BPTF: variants seen among roughly 807,000 people sequenced by gnomAD.
BPTF encodes the protein nucleosome-remodeling factor subunit BPTF.
A neutral mutation model predicts 292.5 loss-of-function variants in BPTF; 18 were observed. The observed-to-expected ratio is 0.06, with a 90% confidence interval of 0.04 to 0.09. The LOEUF is 0.09. Ranked by LOEUF, BPTF falls within the 10% of genes least tolerant of loss-of-function variation. The probability of loss-of-function intolerance (pLI) is 1.00; values close to 1 mark genes in which losing one functional copy is unlikely to be tolerated. For synonymous variants in BPTF, 1,225 were observed against 1,251.9 expected, an observed-to-expected ratio of 0.98 and a Z score of 0.45; for missense variants, 2,726 against 3,498.7, an observed-to-expected ratio of 0.78 and a Z score of 5.57.
intron 24 of BPTF, 155 bp downstream of exon 24, chr17:67,960,030 C>T: frequency 3.4e-6 from 2 of 594,802 alleles, no homozygotes; most frequent in Non-Finnish European, 5.6e-6. Flanking sequence ...ATATTCTTAC[C>T]ATTGACGCTA....
At chr17:67,957,555 A>G (rs1246625726) in intron 23 of BPTF, among the ~76,000 whole-genome samples, 1 of 152,192 alleles carries the variant, frequency 6.6e-6, no homozygotes, top group Admixed American at 6.5e-5. Context: ...TTTTAAAAAA[A>G]TTTTTAAGTC....
intron 11 of BPTF, among the ~76,000 whole-genome samples, chr17:67,917,726 G>A (rs888900526): frequency 6.6e-6 from 1 of 152,012 alleles, no homozygotes; most frequent in African/African-American, 2.4e-5. Flanking sequence ...TCTGCCTCCT[G>A]GGTTCAATTG....
Position 67,912,339 on chromosome 17 carries a change from G to A in BPTF, c.4455G>A (p.Ser1485=), listed in dbSNP as rs746220306. 13 of 1,613,626 alleles carry A rather than the reference G, an allele frequency of 8.1e-6. No individual in the cohort carries two copies. Among genetic ancestry groups the A allele is most frequent in the South Asian group, 3.3e-5 (3 of 91,054 alleles). ...FNERNSSETK[S]HLLSSSDAEG... ...AAAGAAACAGCTCCGAAACAAAATC[G>A]CATTTGCTGAGTTCTTCAGATGCTG... Residue 1485 remains serine, a synonymous_variant, in exon 11 of 28, where the codon TCG becomes TCA. Coordinates refer to ENST00000306378, the MANE Select transcript of BPTF (RefSeq NM_182641.4).
chr17:67,842,817 C>CA (rs60085248), intron 1 of BPTF, among the ~76,000 whole-genome samples: 2,307 of 47,112 alleles, frequency 0.049, 56 homozygotes, highest in African/African-American at 0.1. Context: ...CAATTAAGGC[C>CA]AAAAAAAAAA....
chr17:67,905,265 G>T (rs562664546), intron 9 of BPTF, among the ~76,000 whole-genome samples: 1 of 151,932 alleles, frequency 6.6e-6, no homozygotes, highest in Non-Finnish European at 1.5e-5. Flanking sequence ...AAAATTTGCT[G>T]GGTGTGCTGG....
intron 18 of BPTF, 36 bp from the exon 19 acceptor site, chr17:67,940,403 T>C: frequency 6.4e-7 from 1 of 1,563,642 alleles, no homozygotes; most frequent in Non-Finnish European, 8.8e-7. Context: ...ATGCCAAGGG[T>C]GTATAAGCAT....
At position 67,911,770 on chromosome 17, in the gene BPTF, G is replaced by C. The variant is rs200480162; in HGVS notation, c.3886G>C (p.Val1296Leu). ...NSTLENSSDT[V>L]SIQDSSEEDM... ...CACTTTGGAAAATAGTTCTGATACC[G>C]TGTCTATTCAGGATAGCAGTGAAGA... Residue 1296 changes from valine to leucine, a missense_variant, in exon 11 of 28, where the codon GTG (valine) becomes CTG (leucine). Transcript: ENST00000306378. The C allele has an allele frequency of 3.7e-6, 6 of 1,614,028 alleles. No homozygotes were observed. Among genetic ancestry groups the C allele is most frequent in the South Asian group, 1.1e-5 (1 of 91,080 alleles).
chr17:67,952,457 T>C (rs1464398662), intron 23 of BPTF, among the ~76,000 whole-genome samples: 1 of 151,996 alleles, frequency 6.6e-6, no homozygotes, highest in African/African-American at 2.4e-5. Flanking sequence ...GAGATGGGGT[T>C]TCACCATGTT....
At chr17:67,946,690 C>T (rs2065836816) in intron 21 of BPTF, among the ~76,000 whole-genome samples, 1 of 152,190 alleles carries the variant, frequency 6.6e-6, no homozygotes, top group East Asian at 1.9e-4. Context: ...GTTGTCATTC[C>T]TTAGTTTGCA....
intron 12 of BPTF, among the ~76,000 whole-genome samples, chr17:67,919,218 T>TAATA (rs367551787): frequency 3.4e-4 from 43 of 126,256 alleles, no homozygotes; most frequent in African/African-American, 1.2e-3. Flanking sequence ...ATAATAATAA[T>TAATA]AAAATATAAT....
intron 18 of BPTF, among the ~76,000 whole-genome samples, chr17:67,937,290 T>C (rs921982360): frequency 6.6e-6 from 1 of 151,452 alleles, no homozygotes; most frequent in Non-Finnish European, 1.5e-5. Flanking sequence ...ACCCCATCTC[T>C]ACTAAAAATA....
At chr17:67,974,873 C>T (rs368611376) in intron 26 of BPTF, 2 of 152,172 alleles carry the variant, frequency 1.3e-5, no homozygotes, top group Admixed American at 1.3e-4. Context: ...AGCTTCATTA[C>T]GTAGGCATGA....
intron 9 of BPTF, among the ~76,000 whole-genome samples, chr17:67,906,930 C>T (rs1203441892): frequency 1.3e-5 from 2 of 152,144 alleles, no homozygotes; most frequent in Non-Finnish European, 2.9e-5. Flanking sequence ...CCATGGCTCA[C>T]ACCTGTGATG....
rs1160240037 is a variant in BPTF, at chr17:67,912,573, T to C, written c.4689T>C (p.Asp1563=). 4 of 1,613,372 alleles carry C rather than the reference T, an allele frequency of 2.5e-6. No individual in the cohort carries two copies. In the African/African-American group the frequency reaches 5.3e-5, roughly 22 times the overall value. Residue 1563 remains aspartate, a synonymous_variant, in exon 11 of 28, where the codon GAT becomes GAC. Transcript: ENST00000306378. ...CTAATCTCAGTAATGACTTTATTGA[T>C]GAAAATGGTCTGCCCATCAACAAAA... ...EESNLSNDFI[D]ENGLPINKNE...
At position 67,913,175 on chromosome 17, in the gene BPTF, G is replaced by A; in HGVS notation, c.5291G>A (p.Gly1764Asp). Reference sequence around the variant, plus strand: ...TATCCTTCTCCTAGACCGACCTTTGGCATCACTTGGAGGTATGTACTTTAA... The same window carrying A: ...TATCCTTCTCCTAGACCGACCTTTGACATCACTTGGAGGTATGTACTTTAA... ...WPYPSPRPTF[G>D]ITWRYRLQTV... Residue 1764 changes from glycine to aspartate, a missense_variant, in exon 11 of 28, where the codon GGC becomes GAC. Around this residue, in one of 22 missense-constraint regions of BPTF, gnomAD observed 36 missense variants for 34.7 expected, o/e 1.04. Coordinates refer to ENST00000306378, the MANE Select transcript of BPTF (RefSeq NM_182641.4). 1 of 1,600,570 alleles carries A rather than the reference G, an allele frequency of 6.2e-7. No homozygotes were observed. Among genetic ancestry groups the A allele is most frequent in the Non-Finnish European group, 8.5e-7 (1 of 1,175,154 alleles).
chr17:67,961,891 T>C (rs1185053412), intron 24 of BPTF, among the ~76,000 whole-genome samples: 7 of 151,774 alleles, frequency 4.6e-5, no homozygotes, highest in Admixed American at 4.6e-4. Flanking sequence ...GGAGAATCGC[T>C]TGAACCCGGG....
chr17:67,941,580 C>T (rs2065368785), intron 19 of BPTF, among the ~76,000 whole-genome samples: 1 of 152,156 alleles, frequency 6.6e-6, no homozygotes, highest in African/African-American at 2.4e-5. Context: ...TATGTGGACA[C>T]TTGTTATATG....
Position 67,854,484 on chromosome 17 carries a change from G to A in BPTF, c.1158G>A (p.Val386=), listed in dbSNP as rs2144999492. 6.2e-7 allele frequency: 1 copy of A among 1,614,198 alleles called. No individual in the cohort carries two copies. The highest frequency in any genetic ancestry group is 2.2e-5 in the East Asian group (1 of 44,890). The stretch of plus-strand genomic sequence containing the variant: ...GAGAGGAATTGATGTCTGAAGGGGT[G>A]ATACAGTATGATGACCATTGTAGGG... ...IAREELMSEG[V]IQYDDHCRVC... The change falls in exon 2 of 28, where the codon GTG becomes GTA. Residue 386 remains valine, a synonymous_variant. Transcript: ENST00000306378. This position sits in a 1 kb window ranked among gnomAD's most constrained non-coding sequence, Gnocchi z 5.6.
At chr17:67,937,193 C>T (rs1235125102) in intron 18 of BPTF, among the ~76,000 whole-genome samples, 7 of 152,106 alleles carry the variant, frequency 4.6e-5, no homozygotes, top group South Asian at 2.1e-4. Context: ...CGATAGCTCA[C>T]GCCTAATATA....
Sources: gnomAD v4.1 joint callset for allele counts (sites outside exome capture counted in the v4.1 genomes callset) on GRCh38, gnomAD v4.1.1 for gene constraint, gnomAD v4.1.1 regional missense constraint, Gnocchi (gnomAD v3.1) non-coding constraint, MANE v1.5 for transcripts, NCBI Gene and HGNC (gene_info 2026-07-23, HGNC 2026-07-21) for gene names.